The following ALG6 variants were observed in gnomAD, a reference collection of about 807,000 sequenced individuals.
The protein encoded by ALG6 is dolichyl pyrophosphate Man9GlcNAc2 alpha-1,3-glucosyltransferase.
ALG6 carries 46 observed loss-of-function variants against 66.6 expected under a neutral mutation model. The ratio of observed to expected loss-of-function variants is 0.69; its 90% confidence interval spans 0.55 to 0.88. The LOEUF is 0.88. Ranked by LOEUF, ALG6 falls within the 40% of genes least tolerant of loss-of-function variation. ALG6 has a pLI of 0.00. For synonymous variants in ALG6, 185 were observed against 203.7 expected, an observed-to-expected ratio of 0.91 and a Z score of 0.78; for missense variants, 505 against 586.8, an observed-to-expected ratio of 0.86 and a Z score of 1.44.
intron 14 of ALG6, among the ~76,000 whole-genome samples, chr1:63,430,244 C>A (rs183759681): frequency 2.0e-5 from 3 of 152,280 alleles, no homozygotes; most frequent in African/African-American, 7.2e-5. Flanking sequence ...CTTTTTATTA[C>A]CAAATTATAT....
chr1:63,415,188 G>A (rs753256498), intron 10 of ALG6, among the ~76,000 whole-genome samples: 2 of 152,048 alleles, frequency 1.3e-5, no homozygotes, highest in Non-Finnish European at 2.9e-5. Flanking sequence ...TAGCCAAGTT[G>A]ATGAGTCAAA....
In ALG6 at chr1:63,419,350, C is replaced by T. The variant is rs377453006; in HGVS notation, c.988-20C>T. On this transcript the variant is annotated intron_variant, in intron 11 of 14. Transcript: ENST00000263440. ...TTTCACAAGTTGTTATATCTCATTTCCCCCCCTTTTTTCTTAAAGGTTAGC... is the reference window on the plus strand; with the variant it reads ...TTTCACAAGTTGTTATATCTCATTTTCCCCCCTTTTTTCTTAAAGGTTAGC... 5.8e-5 allele frequency: 92 copies of T among 1,582,024 alleles called. No individual in the cohort carries two copies. Among genetic ancestry groups the T allele is most frequent in the South Asian group, 1.5e-4 (13 of 89,150 alleles).
At chr1:63,424,345 T>A (rs975223550) in intron 12 of ALG6, among the ~76,000 whole-genome samples, 1 of 152,196 alleles carries the variant, frequency 6.6e-6, no homozygotes, top group Non-Finnish European at 1.5e-5. Flanking sequence ...TTCACTATGT[T>A]GGCCAGGCTG....
At chr1:63,369,882 G>A (rs1440920015) in intron 1 of ALG6, among the ~76,000 whole-genome samples, 1 of 151,626 alleles carries the variant, frequency 6.6e-6, no homozygotes, top group Non-Finnish European at 1.5e-5. Context: ...GCAATGGTGC[G>A]ATCTCGGCTC....
At chr1:63,389,709 C>T (rs1648611276) in intron 2 of ALG6, among the ~76,000 whole-genome samples, 1 of 152,100 alleles carries the variant, frequency 6.6e-6, no homozygotes, top group Admixed American at 6.6e-5. Context: ...TATACCCATC[C>T]TTCTTGGGAA....
chr1:63,411,467 G>A, intron 8 of ALG6, 136 bp downstream of exon 8: 2 of 755,586 alleles, frequency 2.6e-6, no homozygotes, highest in Non-Finnish European at 4.2e-6. Context: ...GGGTATGTGG[G>A]AAGAGAGAGA....
chr1:63,396,275 T>C (rs1243603010), intron 2 of ALG6, among the ~76,000 whole-genome samples: 1 of 152,204 alleles, frequency 6.6e-6, no homozygotes, highest in African/African-American at 2.4e-5. Context: ...GGAAGTTGTA[T>C]TGATCCTGTT....
In ALG6 at chr1:63,436,989, A is replaced by C. The variant is rs1409689277; in HGVS notation, c.1493A>C (p.Lys498Thr). The change falls in exon 15 of 15, where the codon AAA becomes ACA. Residue 498 changes from lysine (K) to threonine (T), a missense_variant. Lys to Thr is a moderately conservative substitution (Grantham distance 78, BLOSUM62 -1). Transcript: ENST00000263440. ...AACATTATTATTATGTGGGATTCCAAAAGTGGAAGAAATCAGAAGAAAATC... is the reference window on the plus strand; with the variant it reads ...AACATTATTATTATGTGGGATTCCACAAGTGGAAGAAATCAGAAGAAAATC... ...YFNIIIMWDSKSGRNQKKIS is the reference protein window; with the variant it reads ...YFNIIIMWDSTSGRNQKKIS 2 of 1,613,308 alleles carry C rather than the reference A, an allele frequency of 1.2e-6. No homozygotes were observed.
At chr1:63,412,092 T>C (rs776438636) in intron 9 of ALG6, 31 bp downstream of exon 9, 44 of 1,613,546 alleles carry the variant, frequency 2.7e-5, no homozygotes, top group Admixed American at 1.2e-4. Context: ...CTCCTTTCTG[T>C]TACTGTACCT....
chr1:63,435,616 T>C (rs1347276910), intron 14 of ALG6, among the ~76,000 whole-genome samples: 1 of 152,204 alleles, frequency 6.6e-6, no homozygotes. Context: ...TATACCTGTG[T>C]ACTGTGCTAG....
intron 2 of ALG6, among the ~76,000 whole-genome samples, chr1:63,393,308 G>A (rs568728408): frequency 6.6e-4 from 101 of 152,210 alleles, no homozygotes; most frequent in Non-Finnish European, 1.1e-3. Context: ...TATTATTGTA[G>A]GTTATTCTTC....
Position 63,369,440 on chromosome 1 carries a change from C to T in ALG6, c.-207-1331C>T, listed in dbSNP as rs573804451. Among the ~76,000 whole-genome samples the T allele has an allele frequency of 4.5e-4, 68 of 152,162 alleles. No individual in the cohort carries two copies. The South Asian group carries it at 0.014, about 30-fold the overall frequency. On this transcript the variant is annotated intron_variant, in intron 1 of 14. Coordinates refer to ENST00000263440, the MANE Select transcript of ALG6 (RefSeq NM_013339.4). ...GGTCAGGAGTTCAAGATCAGCCTGG[C>T]CAATCTGGTGAAACCCCGTCTCTAC...
chr1:63,413,104 G>T (rs954595703), intron 9 of ALG6, among the ~76,000 whole-genome samples: 2 of 152,094 alleles, frequency 1.3e-5, no homozygotes, highest in Non-Finnish European at 2.9e-5. Context: ...AATTTTATTT[G>T]ATCTTTACAG....
rs1410213391 is a variant in ALG6 at position 63,400,258 on chromosome 1, T to C, written c.168-1996T>C. On this transcript the variant is annotated intron_variant, in intron 3 of 14. Coordinates refer to ENST00000263440, the MANE Select transcript of ALG6 (RefSeq NM_013339.4). Reference sequence around the variant, plus strand: ...ATATATATATACGTATATATATGTATATATATATACGTATATATATATACG... The same window carrying C: ...ATATATATATACGTATATATATGTACATATATATACGTATATATATATACG... Among the ~76,000 whole-genome samples, 24 of 3,576 alleles carry C rather than the reference T, an allele frequency of 6.7e-3. 8 individuals carry two copies. The highest frequency in any genetic ancestry group is 8.3e-3 in the African/African-American group (6 of 722). The allele number at this position is 3,576 out of a possible 152,430, so 2.3% of individuals were successfully genotyped here.
chr1:63,379,842 A>G lies in ALG6; in HGVS notation c.82+8783A>G, dbSNP rs146634995. On this transcript the variant is annotated intron_variant, in intron 2 of 14. Transcript: ENST00000263440. The stretch of plus-strand genomic sequence containing the variant: ...CAATGTTAACTAGGATTTTTACTGG[A>G]GATGTTTTTGGACCCTTTGTCTGGC... Among the ~76,000 whole-genome samples, 17 of 151,320 alleles carry G rather than the reference A, an allele frequency of 1.1e-4. No homozygotes were observed. In the East Asian group the frequency reaches 2.7e-3, roughly 24 times the overall value.
chr1:63,418,422 T>C (rs34438132), intron 11 of ALG6, among the ~76,000 whole-genome samples: 7,031 of 151,816 alleles, frequency 0.046, 188 homozygotes, highest in African/African-American at 0.056. Context: ...CCTGACTTGA[T>C]AGAATCATAT....
intron 12 of ALG6, among the ~76,000 whole-genome samples, chr1:63,427,973 A>AT (rs1049586037): frequency 4.0e-5 from 6 of 150,796 alleles, no homozygotes; most frequent in East Asian, 3.9e-4. Flanking sequence ...AGCCCAGCTA[A>AT]TTTTTTTTGT....
chr1:63,386,788 G>A (rs1035658289), intron 2 of ALG6, among the ~76,000 whole-genome samples: 3 of 151,708 alleles, frequency 2.0e-5, no homozygotes, highest in African/African-American at 2.4e-5. Flanking sequence ...TTTCAACTTC[G>A]TTTATTTCTG....
At chr1:63,375,669 T>C (rs1570032472) in intron 2 of ALG6, among the ~76,000 whole-genome samples, 1 of 152,146 alleles carries the variant, frequency 6.6e-6, no homozygotes, top group East Asian at 1.9e-4. Flanking sequence ...TCTGGAATAG[T>C]ATGTAAGCTT....
Sources: allele counts gnomAD v4.1 joint callset (sites outside exome capture counted in the v4.1 genomes callset), GRCh38; gene constraint gnomAD v4.1.1; transcripts MANE v1.5; gene names NCBI Gene and HGNC (gene_info 2026-07-23, HGNC 2026-07-21).